Variants in MCM5 observed in about 807,000 individuals in gnomAD.
MCM5 encodes the protein DNA replication licensing factor MCM5.
MCM5 carries 46 observed loss-of-function variants against 79.9 expected under a neutral mutation model. The ratio of observed to expected loss-of-function variants is 0.58; its 90% confidence interval spans 0.45 to 0.74. The LOEUF (loss-of-function observed/expected upper bound fraction) is 0.74, where lower values mean the gene tolerates loss of function less well. Ranked by LOEUF, MCM5 falls within the 30% of genes least tolerant of loss-of-function variation. The probability of loss-of-function intolerance (pLI) is 0.00; values close to 1 mark genes in which losing one functional copy is unlikely to be tolerated. For missense variants in MCM5, 883 were observed against 1,017.0 expected (o/e 0.87, Z 1.79); for synonymous variants, 404 against 390.5 (o/e 1.03, Z -0.41).
At chr22:35,403,123 CAG>C (rs1932108086) in intron 2 of MCM5, 82 bp from the exon 3 acceptor site, 1 of 1,532,874 alleles carries the variant, frequency 6.5e-7, no homozygotes, top group African/African-American at 1.4e-5. Context: ...TGGGCAGATT[CAG>C]GGGTGCAGGC....
chr22:35,453,287 C>T, the MCM5 span, among the ~76,000 whole-genome samples: 1 of 152,054 alleles, frequency 6.6e-6, no homozygotes, highest in Non-Finnish European at 1.5e-5. Context: ...GTCTGTGTTT[C>T]CAGACAGGAC....
the MCM5 span, among the ~76,000 whole-genome samples, chr22:35,454,811 AGTCTCC>A: frequency 1.3e-5 from 2 of 152,102 alleles, no homozygotes; most frequent in Non-Finnish European, 2.9e-5. Flanking sequence ...GGCCTGGATA[AGTCTCC>A]GTTGTAAGGG....
At position 35,400,615 on chromosome 22, in the gene MCM5, C is replaced by T; in HGVS notation, c.167+10C>T. On this transcript the variant is annotated intron_variant, in intron 2 of 16. Transcript: ENST00000216122. ...TCACCTTCAAATACAGGTGCGGCTC[C>T]TGCGGGGCCGGGGGCTCGAGTTCCA... is the stretch of plus-strand genomic sequence containing the variant. 6.3e-7 allele frequency: 1 copy of T among 1,593,768 alleles called. No individual in the cohort carries two copies. Among genetic ancestry groups the T allele is most frequent in the Non-Finnish European group, 8.6e-7 (1 of 1,168,824 alleles).
chr22:35,415,935 C>A lies in MCM5; in HGVS notation c.1310C>A (p.Ala437Asp). The change falls in exon 10 of 17, where the codon GCC becomes GAC. Residue 437 changes from alanine (A) to aspartate (D), a missense_variant. Coordinates refer to ENST00000216122, the MANE Select transcript of MCM5 (RefSeq NM_006739.4). ...FIMEGGAMVLADGGVVCIDEF... is the reference protein window; with the variant it reads ...FIMEGGAMVLDDGGVVCIDEF... ...ATGGAGGGCGGAGCCATGGTCCTGG[C>A]CGATGGTGGGGTCGTCTGTATTGAC... 1.9e-6 allele frequency: 3 copies of A among 1,614,126 alleles called. No individual in the cohort carries two copies. The highest frequency in any genetic ancestry group is 2.5e-6 in the Non-Finnish European group (3 of 1,180,014).
At chr22:35,416,616 T>G in intron 11 of MCM5, 22 bp from the exon 12 acceptor site, 2 of 1,605,004 alleles carry the variant, frequency 1.2e-6, no homozygotes, top group Non-Finnish European at 1.7e-6. Context: ...CCTCCCCCTT[T>G]TCGTCGTCTG....
At position 35,417,746 on chromosome 22, in the gene MCM5, G is replaced by A. The variant is rs371790379; in HGVS notation, c.1593G>A (p.Met531Ile). The A allele has an allele frequency of 1.7e-5, 27 of 1,612,222 alleles. No individual in the cohort carries two copies. The highest frequency in any genetic ancestry group is 2.1e-5 in the Non-Finnish European group (25 of 1,178,392). Residue 531 changes from methionine (M) to isoleucine (I), a missense_variant and splice_region_variant, in exon 13 of 17, where the codon ATG (methionine) becomes ATA (isoleucine). This residue lies in a region of MCM5 where 426 missense variants were observed against 482.3 expected (regional missense o/e 0.88). Transcript: ENST00000216122. Reference sequence around the variant, plus strand: ...CCATTATCCCCTCTGCTCTCCAGATGCTGGCCAAGCATGTCATCACTCTGC... The same window carrying A: ...CCATTATCCCCTCTGCTCTCCAGATACTGGCCAAGCATGTCATCACTCTGC... ...KDEHNEERDV[M>I]LAKHVITLHV...
chr22:35,436,445 A>G, the MCM5 span, among the ~76,000 whole-genome samples: 1 of 152,098 alleles, frequency 6.6e-6, no homozygotes, highest in African/African-American at 2.4e-5. Context: ...GCCCTCTCTT[A>G]TGTGCAAGGC....
chr22:35,442,505 G>A, the MCM5 span, among the ~76,000 whole-genome samples: 1 of 152,180 alleles, frequency 6.6e-6, no homozygotes, highest in Non-Finnish European at 1.5e-5. Flanking sequence ...AGGCAGGGCT[G>A]GTTCTTCCTG....
At chr22:35,410,398 C>G (rs919051283) in intron 6 of MCM5, 1 of 328,174 alleles carries the variant, frequency 3.0e-6, no homozygotes, top group Non-Finnish European at 6.0e-6. Flanking sequence ...TGACAGCAGA[C>G]ACGTGGAGAT....
At chr22:35,400,816 T>C (rs113692986) in intron 2 of MCM5, among the ~76,000 whole-genome samples, 1 of 152,192 alleles carries the variant, frequency 6.6e-6, no homozygotes, top group Non-Finnish European at 1.5e-5. Context: ...TATTTTATTA[T>C]TAACGTATTT....
the MCM5 span, among the ~76,000 whole-genome samples, chr22:35,450,097 A>G: frequency 7.1e-4 from 108 of 152,248 alleles, no homozygotes; most frequent in African/African-American, 2.3e-3. Context: ...GAAGGGTGCT[A>G]TAGGAGCTGT....
At chr22:35,420,131 C>A in intron 14 of MCM5, 119 bp downstream of exon 14, 2 of 1,221,952 alleles carry the variant, frequency 1.6e-6, no homozygotes, top group Non-Finnish European at 2.2e-6. Flanking sequence ...CATAGTAGCT[C>A]TGGGCAGGAA....
At chr22:35,439,281 A>G in the MCM5 span, among the ~76,000 whole-genome samples, 1 of 151,772 alleles carries the variant, frequency 6.6e-6, no homozygotes, top group African/African-American at 2.4e-5. Context: ...TCATCCATCC[A>G]TCCATCTACC....
downstream of MCM5, among the ~76,000 whole-genome samples, chr22:35,430,196 G>C (rs920318638): frequency 1.3e-5 from 2 of 152,192 alleles, no homozygotes; most frequent in African/African-American, 2.4e-5. Flanking sequence ...ACAGGGTGAC[G>C]GAGTCCATGG....
chr22:35,420,211 C>G (rs1320418219), intron 14 of MCM5, among the ~76,000 whole-genome samples, 199 bp downstream of exon 14: 2 of 152,200 alleles, frequency 1.3e-5, no homozygotes, highest in African/African-American at 4.8e-5. Flanking sequence ...GATTTAAGGC[C>G]GGGCAAACCT....
chr22:35,440,896 A>G, the MCM5 span, among the ~76,000 whole-genome samples: 667 of 152,204 alleles, frequency 4.4e-3, 6 homozygotes, highest in African/African-American at 0.015. Context: ...CGTCTTTACT[A>G]AAAAAACAAA....
chr22:35,400,507 GGGGCA>G lies in MCM5; in HGVS notation c.72_76del (p.Gln25ProfsTer32). ...TCGGGGGCGACGCCCAGGCCGACGA[GGGGCA>G]GGCCCGCAAATCGCAGCTGCAGAGG... On this transcript the variant is annotated frameshift_variant, in exon 2 of 17. Coordinates refer to ENST00000216122, the MANE Select transcript of MCM5 (RefSeq NM_006739.4). LOFTEE classifies it high-confidence loss of function. The G allele has an allele frequency of 6.2e-7, 1 of 1,614,118 alleles. No homozygotes were observed. Among genetic ancestry groups the G allele is most frequent in the Non-Finnish European group, 8.5e-7 (1 of 1,179,984 alleles).
the MCM5 span, among the ~76,000 whole-genome samples, chr22:35,440,645 A>C: frequency 6.6e-6 from 1 of 152,214 alleles, no homozygotes; most frequent in Non-Finnish European, 1.5e-5. Context: ...ATTTGACCCT[A>C]ATCCTGGCCC....
chr22:35,441,208 G>A, the MCM5 span, among the ~76,000 whole-genome samples: 3 of 152,252 alleles, frequency 2.0e-5, no homozygotes, highest in African/African-American at 7.2e-5. Flanking sequence ...GAAGGGACTG[G>A]GCTGCAAAGC....
Sources: gnomAD v4.1 joint callset for allele counts (sites outside exome capture counted in the v4.1 genomes callset) on GRCh38, gnomAD v4.1.1 for gene constraint, gnomAD v4.1.1 regional missense constraint, MANE v1.5 for transcripts, NCBI Gene and HGNC (gene_info 2026-07-23, HGNC 2026-07-21) for gene names.